CELF1: variants seen among roughly 807,000 people sequenced by gnomAD.
CELF1 encodes 50 kDa nuclear polyadenylated RNA-binding protein.
Under a neutral mutation model 61.8 loss-of-function variants are expected in CELF1, and 10 were observed. That is an observed-to-expected ratio of 0.16 (90% confidence interval 0.10 to 0.27). CELF1 has a LOEUF of 0.27. CELF1 is among the 10% of genes least tolerant of loss of function. The probability of loss-of-function intolerance (pLI) is 1.00; values close to 1 mark genes in which losing one functional copy is unlikely to be tolerated. For missense variants in CELF1, 380 were observed against 639.1 expected (o/e 0.59, Z 4.37); for synonymous variants, 236 against 225.1 (o/e 1.05, Z -0.43).
intron 2 of CELF1, among the ~76,000 whole-genome samples, chr11:47,560,374 A>G: frequency 6.6e-6 from 1 of 152,186 alleles, no homozygotes; most frequent in Non-Finnish European, 1.5e-5. Context: ...AGGATGCGCC[A>G]CTGCACTCCA....
intron 12 of CELF1, among the ~76,000 whole-genome samples, chr11:47,476,020 G>A (rs2079929292): frequency 6.8e-6 from 1 of 146,218 alleles, no homozygotes; most frequent in Non-Finnish European, 1.5e-5. Flanking sequence ...TTTTTTTGGA[G>A]ACAGAGTCTC....
chr11:47,541,664 C>A (rs1222588402), intron 1 of CELF1, among the ~76,000 whole-genome samples: 15 of 145,144 alleles, frequency 1.0e-4, no homozygotes, highest in African/African-American at 3.4e-4. Context: ...TACTCCAGAG[C>A]CTGGTGACAG....
intron 1 of CELF1, among the ~76,000 whole-genome samples, chr11:47,542,480 T>C (rs2096834208): frequency 6.6e-6 from 1 of 151,906 alleles, no homozygotes; most frequent in East Asian, 1.9e-4. Context: ...ACCTCATCAT[T>C]CTTGATACTT....
At chr11:47,472,764 C>T (rs934621598) in intron 14 of CELF1, among the ~76,000 whole-genome samples, 3 of 152,132 alleles carry the variant, frequency 2.0e-5, no homozygotes, top group Admixed American at 1.3e-4. Context: ...AGGCTGGTCT[C>T]GAACTCCTAG....
chr11:47,533,847 AT>A (rs1393593549), intron 1 of CELF1, among the ~76,000 whole-genome samples: 1 of 149,062 alleles, frequency 6.7e-6, no homozygotes, highest in African/African-American at 2.5e-5. Flanking sequence ...ATTTATAACT[AT>A]TTTAGTGACA....
chr11:47,523,387 A>G (rs954903140), intron 1 of CELF1: 2 of 152,326 alleles, frequency 1.3e-5, no homozygotes, highest in Admixed American at 6.5e-5. Context: ...AGAATAGCCA[A>G]GAAAGAGAAG....
chr11:47,524,663 G>A lies in CELF1; in HGVS notation c.-153-23731C>T, dbSNP rs546518472. ...TGCGGGTGCCAAAGGGTGGCCACAC[G>A]GCCTAGCTAGTGGGCTGCTCCTGCT... On this transcript the variant is annotated intron_variant, in intron 1 of 14. Coordinates refer to ENST00000687097, the MANE Select transcript of CELF1 (RefSeq NM_001376376.1). The A allele has an allele frequency of 3.3e-5, 5 of 152,252 alleles. No homozygotes were observed. The South Asian group carries it at 6.2e-4, about 19-fold the overall frequency. 9.4% of individuals were successfully genotyped at this position (152,252 alleles called of 1,614,324 possible).
At chr11:47,483,397 A>C (rs560191321) in intron 8 of CELF1, 56 bp downstream of exon 8, 1 of 1,393,162 alleles carries the variant, frequency 7.2e-7, no homozygotes, top group African/African-American at 1.4e-5. Flanking sequence ...TTAATGGCCA[A>C]CTGTCCCAGC....
At chr11:47,505,811 T>C (rs1328114754) in intron 1 of CELF1, among the ~76,000 whole-genome samples, 1 of 150,114 alleles carries the variant, frequency 6.7e-6, no homozygotes, top group Non-Finnish European at 1.5e-5. Context: ...AGCAGGCACC[T>C]GTAATCCCAG....
At chr11:47,553,291 C>T (rs1365618975), upstream of CELF1, among the ~76,000 whole-genome samples, 1 of 152,056 alleles carries the variant, frequency 6.6e-6, no homozygotes, top group Non-Finnish European at 1.5e-5. Flanking sequence ...GCTGCAGCGC[C>T]CCCTCGGGCT....
Position 47,469,456 on chromosome 11 carries a change from G to T in CELF1, c.*2774C>A, listed in dbSNP as rs1379093286. 1 of 152,272 alleles carries T rather than the reference G, an allele frequency of 6.6e-6. No homozygotes were observed. Among genetic ancestry groups the T allele is most frequent in the African/African-American group, 2.4e-5 (1 of 41,462 alleles). The allele number at this position is 152,272 out of a possible 1,614,324, so 9.4% of individuals were successfully genotyped here. ...CCAAGTAAGAAACAAAACTACAGCA[G>T]AAAACACATTGTAAGTGAAACCTTC... On this transcript the variant is annotated 3_prime_UTR_variant, in exon 15 of 15. Coordinates refer to ENST00000687097, the MANE Select transcript of CELF1 (RefSeq NM_001376376.1).
Position 47,504,571 on chromosome 11 carries a change from C to T in CELF1, c.-153-3639G>A, listed in dbSNP as rs879420378. Among the ~76,000 whole-genome samples, 130 of 141,178 alleles carry T rather than the reference C, an allele frequency of 9.2e-4. 1 individual carries two copies. The highest frequency in any genetic ancestry group is 3.8e-3 in the Middle Eastern group (1 of 260). The allele number at this position is 141,178 out of a possible 152,430, so 92.6% of individuals were successfully genotyped here. A position where few individuals can be genotyped will look rare whatever the true frequency, so the allele number is the denominator to read the frequency against. On this transcript the variant is annotated intron_variant, in intron 1 of 14. Transcript: ENST00000687097. The stretch of plus-strand genomic sequence containing the variant: ...TCCAGCATGGGCAACAGCGTGAGAC[C>T]CTGCCTTACAAAACAAAATAAATAA...
At position 47,501,257 on chromosome 11, in the gene CELF1, G is replaced by C. The variant is rs181513551; in HGVS notation, c.-153-325C>G. Among the ~76,000 whole-genome samples the C allele has an allele frequency of 9.6e-4, 146 of 152,328 alleles. 1 individual carries two copies. The East Asian group carries it at 0.026, about 27-fold the overall frequency. Reference sequence around the variant, plus strand: ...CCTATTAAAGCGGCAAAAACAAACTGCAAGTGAGAGGAGACTGTGCAACTG... The same window carrying C: ...CCTATTAAAGCGGCAAAAACAAACTCCAAGTGAGAGGAGACTGTGCAACTG... On this transcript the variant is annotated intron_variant, in intron 1 of 14. Transcript: ENST00000687097.
At chr11:47,546,794 G>C (rs2096963385) in intron 1 of CELF1, among the ~76,000 whole-genome samples, 1 of 152,094 alleles carries the variant, frequency 6.6e-6, no homozygotes, top group South Asian at 2.1e-4. Flanking sequence ...GCCAGGCACA[G>C]TGGCTCACAC....
chr11:47,485,774 G>A (rs1317747190), intron 6 of CELF1, among the ~76,000 whole-genome samples: 1 of 150,232 alleles, frequency 6.7e-6, no homozygotes, highest in East Asian at 2.0e-4. Context: ...TAGAGACAGG[G>A]TTTCACCATG....
intron 1 of CELF1, among the ~76,000 whole-genome samples, chr11:47,546,079 T>C (rs2096938454): frequency 1.3e-5 from 2 of 150,776 alleles, no homozygotes; most frequent in Admixed American, 1.3e-4. Context: ...CCCAGCTAAT[T>C]TTTTGTATTT....
chr11:47,526,852 A>G (rs1342879541), intron 1 of CELF1, among the ~76,000 whole-genome samples: 3 of 152,020 alleles, frequency 2.0e-5, no homozygotes, highest in African/African-American at 7.2e-5. Context: ...GGAGTTCAAG[A>G]CCAGCCTGGC....
chr11:47,491,355 G>A (rs2091386943), intron 3 of CELF1, among the ~76,000 whole-genome samples: 1 of 151,906 alleles, frequency 6.6e-6, no homozygotes, highest in Non-Finnish European at 1.5e-5. Context: ...TAGAGCTGGG[G>A]TTTAGCCATG....
intron 13 of CELF1, 65 bp downstream of exon 13, chr11:47,475,271 T>C: frequency 6.6e-7 from 1 of 1,522,832 alleles, no homozygotes; most frequent in Non-Finnish European, 9.1e-7. Flanking sequence ...TTGCTCTGCC[T>C]TTCCGTTCTG....
Sources: gnomAD v4.1 joint callset for allele counts (sites outside exome capture counted in the v4.1 genomes callset) on GRCh38, gnomAD v4.1.1 for gene constraint, MANE v1.5 for transcripts, NCBI Gene and HGNC (gene_info 2026-07-23, HGNC 2026-07-21) for gene names.